The following RNF4 variants were observed in gnomAD, a reference collection of about 807,000 sequenced individuals.
RNF4 encodes ring finger protein 4.
Under a neutral mutation model 24.3 loss-of-function variants are expected in RNF4, and 7 were observed. The observed-to-expected ratio is 0.29, with a 90% confidence interval of 0.16 to 0.54. RNF4 has a LOEUF of 0.54. Among genes scored for constraint, RNF4 ranks in the 20% least tolerant of loss-of-function variants. The pLI is 0.95. For missense variants in RNF4, 209 were observed against 248.5 expected (o/e 0.84, Z 1.07); for synonymous variants, 83 against 84.3 (o/e 0.98, Z 0.09).
rs77650973 is a variant in RNF4 at position 2,497,431 on chromosome 4, C to T, written c.124+310C>T. 7.0e-3 allele frequency: 1,308 copies of T among 186,938 alleles called. 20 individuals carry two copies. Among genetic ancestry groups the T allele is most frequent in the African/African-American group, 0.028 (1,187 of 42,754 alleles). 11.6% of individuals were successfully genotyped at this position (186,938 alleles called of 1,614,324 possible). On this transcript the variant is annotated intron_variant, in intron 3 of 7. Transcript: ENST00000314289. ...GGACCTTGTAAAGTACTTCGCTTTC[C>T]TCTTCTGTTTTTCATTAGGACATGA... is the stretch of plus-strand genomic sequence containing the variant.
chr4:2,471,615 G>A (rs80180918), intron 1 of RNF4, among the ~76,000 whole-genome samples: 183 of 152,310 alleles, frequency 1.2e-3, no homozygotes, highest in African/African-American at 4.3e-3. Context: ...ATGACAGTTA[G>A]CCAAGTTGTG....
chr4:2,490,602 C>A, intron 2 of RNF4, 100 bp downstream of exon 2: 3 of 1,241,586 alleles, frequency 2.4e-6, no homozygotes, highest in Non-Finnish European at 3.4e-6. Flanking sequence ...AATGTCACTT[C>A]TAAGTAACCC....
In RNF4 at chr4:2,485,788, T is replaced by A. The variant is rs550369759; in HGVS notation, c.-157-4549T>A. On this transcript the variant is annotated intron_variant, in intron 1 of 7. Coordinates refer to ENST00000314289, the MANE Select transcript of RNF4 (RefSeq NM_002938.5). ...CATCTGCTTTGTGTAAGGTCTTAGC[T>A]AGGTAGAAAGTAAATAGAGCCTTGT... Among the ~76,000 whole-genome samples, 6 of 152,254 alleles carry A rather than the reference T, an allele frequency of 3.9e-5. No individual in the cohort carries two copies. In the South Asian group the frequency reaches 1.2e-3, roughly 32 times the overall value.
Position 2,491,622 on chromosome 4 carries a change from A to G in RNF4, c.9+1120A>G, listed in dbSNP as rs147686803. On this transcript the variant is annotated intron_variant, in intron 2 of 7. Transcript: ENST00000314289. Reference sequence around the variant, plus strand: ...CACACCCAGCTGATTTTGTATTTTTAGTAGAGATGTGATTTCACCATGTTG... The same window carrying G: ...CACACCCAGCTGATTTTGTATTTTTGGTAGAGATGTGATTTCACCATGTTG... Among the ~76,000 whole-genome samples, 105 of 152,196 alleles carry G rather than the reference A, an allele frequency of 6.9e-4. 4 individuals carry two copies. In the East Asian group the frequency reaches 0.016, roughly 23 times the overall value.
chr4:2,490,603 T>C (rs111929518), intron 2 of RNF4, 101 bp downstream of exon 2: 44 of 1,244,114 alleles, frequency 3.5e-5, no homozygotes, highest in African/African-American at 2.5e-4. Context: ...ATGTCACTTC[T>C]AAGTAACCCC....
intron 4 of RNF4, among the ~76,000 whole-genome samples, chr4:2,510,147 C>CAA (rs1350081805): frequency 3.9e-5 from 6 of 152,210 alleles, no homozygotes; most frequent in Non-Finnish European, 4.4e-5. Context: ...ATCCTCAAAT[C>CAA]AAAGACCTTT....
intron 1 of RNF4, among the ~76,000 whole-genome samples, chr4:2,488,703 G>A (rs1578508343): frequency 6.6e-6 from 1 of 152,194 alleles, no homozygotes; most frequent in Non-Finnish European, 1.5e-5. Flanking sequence ...CACCATTAAG[G>A]TAGGTGCAGT....
intron 1 of RNF4, among the ~76,000 whole-genome samples, chr4:2,478,635 A>G (rs911524053): frequency 6.6e-6 from 1 of 152,252 alleles, no homozygotes; most frequent in Non-Finnish European, 1.5e-5. Flanking sequence ...CAGCTTCCAC[A>G]TGGTGTTGAG....
intron 1 of RNF4, among the ~76,000 whole-genome samples, chr4:2,472,438 C>T (rs1347034409): frequency 6.6e-6 from 1 of 152,110 alleles, no homozygotes; most frequent in Non-Finnish European, 1.5e-5. Context: ...GTAATTTCAA[C>T]TCTCAAATCT....
chr4:2,504,524 T>TTCATTTATTTA (rs374653424), intron 4 of RNF4, among the ~76,000 whole-genome samples: 25 of 140,814 alleles, frequency 1.8e-4, no homozygotes, highest in African/African-American at 6.5e-4. Flanking sequence ...GTTTTATAGC[T>TTCATTTATTTA]TTTATTTATT....
Position 2,512,412 on chromosome 4 carries a change from C to T in RNF4, c.215-26C>T. Reference sequence around the variant, plus strand: ...GATGGTAAGAGTAGAGAGCCTCCAACCTGAAAATGTGACCTCTTACCTTAG... The same window carrying T: ...GATGGTAAGAGTAGAGAGCCTCCAATCTGAAAATGTGACCTCTTACCTTAG... On this transcript the variant is annotated intron_variant, in intron 5 of 7. Transcript: ENST00000314289. This position sits in a 1 kb window ranked among gnomAD's most constrained non-coding sequence, Gnocchi z 4.1. 2.5e-6 allele frequency: 4 copies of T among 1,590,454 alleles called. No individual in the cohort carries two copies. Among genetic ancestry groups the T allele is most frequent in the Non-Finnish European group, 3.4e-6 (4 of 1,168,640 alleles).
intron 4 of RNF4, among the ~76,000 whole-genome samples, chr4:2,510,784 A>G (rs1409009053): frequency 2.0e-5 from 3 of 152,300 alleles, no homozygotes; most frequent in Admixed American, 1.3e-4. Flanking sequence ...AGGGCGTTCC[A>G]CTGGCCCCCC....
chr4:2,500,110 T>C (rs1368810658), intron 3 of RNF4, among the ~76,000 whole-genome samples: 2 of 137,354 alleles, frequency 1.5e-5, no homozygotes, highest in Admixed American at 1.7e-4. Context: ...TGAGCCAAGA[T>C]CGCACCACTG....
rs1735518227 is a variant in RNF4 at position 2,489,550 on chromosome 4, T to G, written c.-157-787T>G. Among the ~76,000 whole-genome samples the G allele has an allele frequency of 2.0e-5, 3 of 152,192 alleles. No homozygotes were observed. In the South Asian group the frequency reaches 6.2e-4, roughly 32 times the overall value. On this transcript the variant is annotated intron_variant, in intron 1 of 7. Coordinates refer to ENST00000314289, the MANE Select transcript of RNF4 (RefSeq NM_002938.5). ...AGCAGGCTGTGCTTAACGAGCCCTC[T>G]GTGGGGGAGCCTGATACAGGCTCAT...
At chr4:2,490,568 C>T (rs1735549980) in intron 2 of RNF4, 66 bp downstream of exon 2, 7 of 1,524,388 alleles carry the variant, frequency 4.6e-6, no homozygotes, top group Admixed American at 1.9e-5. Flanking sequence ...TTCCTTGTAG[C>T]ACATTAGTGA....
In RNF4 at chr4:2,497,112, G is replaced by C. The variant is rs771994341; in HGVS notation, c.115G>C (p.Val39Leu). 4 of 1,604,456 alleles carry C rather than the reference G, an allele frequency of 2.5e-6. No individual in the cohort carries two copies. Among genetic ancestry groups the C allele is most frequent in the African/African-American group, 1.3e-5 (1 of 74,826 alleles). ...CTTGGAAGCAGAACCCATAGAACTC[G>C]TGGAAACTGGTAAGATTGCCAGGGA... ...ISLEAEPIEL[V>L]ETAGDEIVDL... The change falls in exon 3 of 8, where the codon GTG (valine) becomes CTG (leucine). Residue 39 changes from valine (V) to leucine (L), a missense_variant. Around this residue, in one of 3 missense-constraint regions of RNF4, gnomAD observed 182 missense variants for 197.2 expected, o/e 0.92. Transcript: ENST00000314289.
intron 1 of RNF4, among the ~76,000 whole-genome samples, chr4:2,472,738 A>G (rs1360819356): frequency 6.6e-6 from 1 of 152,028 alleles, no homozygotes. Context: ...ATACTATTCT[A>G]GATACCATTA....
At chr4:2,509,094 GT>G (rs2108777682) in intron 4 of RNF4, among the ~76,000 whole-genome samples, 1 of 129,828 alleles carries the variant, frequency 7.7e-6, no homozygotes, top group South Asian at 2.5e-4. Context: ...AATTTTTGTA[GT>G]TTTAGTAGAG....
chr4:2,487,948 G>A (rs147913755), intron 1 of RNF4, among the ~76,000 whole-genome samples: 110 of 152,270 alleles, frequency 7.2e-4, no homozygotes, highest in Non-Finnish European at 1.3e-3. Context: ...TGGGACGGCG[G>A]TCCCTTTGGG....
Sources: gnomAD v4.1 joint callset for allele counts (sites outside exome capture counted in the v4.1 genomes callset) on GRCh38, gnomAD v4.1.1 for gene constraint, gnomAD v4.1.1 regional missense constraint, Gnocchi (gnomAD v3.1) non-coding constraint, MANE v1.5 for transcripts, NCBI Gene and HGNC (gene_info 2026-07-23, HGNC 2026-07-21) for gene names.